The following CCSER1 variants were observed in gnomAD, a reference collection of about 807,000 sequenced individuals.
CCSER1 encodes coiled-coil serine rich protein 1, also known as serine-rich coiled-coil domain-containing protein 1.
In CCSER1, 41 loss-of-function variants were observed where a neutral mutation model predicts 82.0. That is an observed-to-expected ratio of 0.50 (90% CI 0.39 to 0.65). CCSER1 has a LOEUF of 0.65. Ranked by LOEUF, CCSER1 falls within the 30% of genes least tolerant of loss-of-function variation. The pLI is 0.00. For missense variants in CCSER1, 1,119 were observed against 1,064.2 expected (o/e 1.05, Z -0.72); for synonymous variants, 414 against 383.9 (o/e 1.08, Z -0.92).
chr4:90,187,633 A>G (rs1734858838), intron 1 of CCSER1, among the ~76,000 whole-genome samples: 3 of 151,950 alleles, frequency 2.0e-5, no homozygotes, highest in Admixed American at 2.0e-4. Flanking sequence ...TGGAAATGAC[A>G]TTCTATTTAT....
intron 5 of CCSER1, among the ~76,000 whole-genome samples, chr4:90,576,544 C>A (rs1428150512): frequency 6.6e-6 from 1 of 152,096 alleles, no homozygotes; most frequent in Admixed American, 6.5e-5. Context: ...CCACTCACCC[C>A]CTAACAACCA....
intron 5 of CCSER1, among the ~76,000 whole-genome samples, chr4:90,565,325 A>C (rs1779236312): frequency 6.6e-6 from 1 of 152,074 alleles, no homozygotes. Context: ...CTGTTAGTGC[A>C]TAAAAATAGT....
chr4:90,719,658 G>T (rs998353863), intron 6 of CCSER1, among the ~76,000 whole-genome samples: 3 of 152,090 alleles, frequency 2.0e-5, no homozygotes, highest in Non-Finnish European at 4.4e-5. Context: ...TTTTTCTCAT[G>T]ATTAGACTGT....
At chr4:90,708,456 G>C (rs1439900878) in intron 6 of CCSER1, among the ~76,000 whole-genome samples, 1 of 152,142 alleles carries the variant, frequency 6.6e-6, no homozygotes, top group African/African-American at 2.4e-5. Context: ...AGGGAGAAAG[G>C]CTGGGAGTGT....
At chr4:91,172,966 C>T (rs1732924104) in intron 10 of CCSER1, among the ~76,000 whole-genome samples, 1 of 152,080 alleles carries the variant, frequency 6.6e-6, no homozygotes, top group Non-Finnish European at 1.5e-5. Flanking sequence ...ATGCACTTTG[C>T]ATGTCATTAA....
chr4:91,403,906 C>T (rs1287708236), intron 10 of CCSER1, among the ~76,000 whole-genome samples: 1 of 152,124 alleles, frequency 6.6e-6, no homozygotes, highest in East Asian at 1.9e-4. Flanking sequence ...TGATGCTGGC[C>T]TCATAAAATG....
chr4:90,318,316 T>A (rs922250385), intron 3 of CCSER1, among the ~76,000 whole-genome samples: 53 of 152,360 alleles, frequency 3.5e-4, no homozygotes, highest in African/African-American at 1.3e-3. Flanking sequence ...TTATTTTCAT[T>A]GCACCAAGCA....
intron 9 of CCSER1, among the ~76,000 whole-genome samples, chr4:91,068,537 G>A (rs2148759608): frequency 6.6e-6 from 1 of 152,246 alleles, no homozygotes; most frequent in East Asian, 1.9e-4. Context: ...TTAATATTGA[G>A]TCTTCAATAG....
chr4:90,700,688 G>A (rs1240721277), intron 6 of CCSER1, among the ~76,000 whole-genome samples: 5 of 152,104 alleles, frequency 3.3e-5, no homozygotes, highest in Admixed American at 1.3e-4. Context: ...ATTCTAACTG[G>A]TGTGAGATGG....
At chr4:90,738,718 G>A (rs775722043) in intron 7 of CCSER1, among the ~76,000 whole-genome samples, 2 of 152,044 alleles carry the variant, frequency 1.3e-5, no homozygotes, top group Admixed American at 6.5e-5. Flanking sequence ...TTCCCTTCAC[G>A]GCACTGAGTT....
rs145875858 is a variant in CCSER1 at position 90,798,983 on chromosome 4, C to T, written c.2011-16779C>T. Among the ~76,000 whole-genome samples the T allele has an allele frequency of 4.8e-4, 73 of 152,336 alleles. 1 individual carries two copies. In the East Asian group the frequency reaches 0.012, roughly 24 times the overall value. ...ACAGTAGGATCAGTCCTCGTTCTCA[C>T]GTGCTAGCAGCAACAGTAGTGGCAG... On this transcript the variant is annotated intron_variant, in intron 7 of 10. Coordinates refer to ENST00000509176, the MANE Select transcript of CCSER1 (RefSeq NM_001145065.2).
chr4:91,073,235 C>T (rs1297829674), intron 9 of CCSER1, among the ~76,000 whole-genome samples: 1 of 152,028 alleles, frequency 6.6e-6, no homozygotes, highest in Non-Finnish European at 1.5e-5. Flanking sequence ...TCATGATAAA[C>T]TCCATAAAAT....
intron 9 of CCSER1, among the ~76,000 whole-genome samples, chr4:90,976,244 T>C (rs1412302577): frequency 6.7e-6 from 1 of 150,214 alleles, no homozygotes; most frequent in East Asian, 1.9e-4. Flanking sequence ...TGAATCAAAT[T>C]AACTAATAAG....
At chr4:90,719,984 GA>G (rs547648351) in intron 6 of CCSER1, among the ~76,000 whole-genome samples, 1 of 151,966 alleles carries the variant, frequency 6.6e-6, no homozygotes, top group African/African-American at 2.4e-5. Flanking sequence ...GAATTTTTCT[GA>G]AAAAAATGGG....
intron 1 of CCSER1, among the ~76,000 whole-genome samples, chr4:90,192,094 A>T (rs1735736304): frequency 6.6e-6 from 1 of 152,020 alleles, no homozygotes; most frequent in Non-Finnish European, 1.5e-5. Flanking sequence ...TTTTCAAAGG[A>T]AAGAGGTTTA....
intron 10 of CCSER1, among the ~76,000 whole-genome samples, chr4:91,257,460 G>T (rs1282931801): frequency 1.7e-5 from 2 of 117,056 alleles, no homozygotes. Context: ...CAGTAAAGTT[G>T]GAATACATAC....
intron 10 of CCSER1, among the ~76,000 whole-genome samples, chr4:91,180,278 A>G (rs1296826834): frequency 1.3e-5 from 2 of 152,186 alleles, no homozygotes; most frequent in Admixed American, 6.5e-5. Context: ...TGAGGAGGCA[A>G]TCTGTCCATT....
intron 10 of CCSER1, among the ~76,000 whole-genome samples, chr4:91,368,319 G>A (rs1255564835): frequency 2.0e-5 from 3 of 151,874 alleles, no homozygotes; most frequent in Admixed American, 6.6e-5. Flanking sequence ...TCTATTCTGT[G>A]ATTTTTTGGC....
At position 91,084,386 on chromosome 4, in the gene CCSER1, G is replaced by A. The variant is rs569728378; in HGVS notation, c.2173-1564G>A. Among the ~76,000 whole-genome samples, 5 of 152,170 alleles carry A rather than the reference G, an allele frequency of 3.3e-5. No individual in the cohort carries two copies. The East Asian group carries it at 9.7e-4, about 29-fold the overall frequency. ...TATAATATCTCATTTAATCTTCCTA[G>A]CAAATACATTTGGTAGCTACTATAT... On this transcript the variant is annotated intron_variant, in intron 9 of 10. Coordinates refer to ENST00000509176, the MANE Select transcript of CCSER1 (RefSeq NM_001145065.2).
Sources: gnomAD v4.1 joint callset for allele counts (sites outside exome capture counted in the v4.1 genomes callset) on GRCh38, gnomAD v4.1.1 for gene constraint, MANE v1.5 for transcripts, NCBI Gene and HGNC (gene_info 2026-07-23, HGNC 2026-07-21) for gene names.